Variants in CCDC13 observed in about 807,000 individuals in gnomAD.
The protein encoded by CCDC13 is coiled-coil domain-containing protein 13.
CCDC13 carries 70 observed loss-of-function variants against 87.3 expected under a neutral mutation model. The observed-to-expected ratio is 0.80, with a 90% confidence interval of 0.66 to 0.98. The LOEUF is 0.98. Ranked by LOEUF, CCDC13 falls within the 50% of genes least tolerant of loss-of-function variation. The pLI is 0.00. For synonymous variants in CCDC13, 317 were observed against 360.3 expected (o/e 0.88, Z 1.36); for missense variants, 842 against 892.0 (o/e 0.94, Z 0.71).
chr3:42,734,020 G>A (rs1698917448), intron 10 of CCDC13, among the ~76,000 whole-genome samples: 1 of 152,186 alleles, frequency 6.6e-6, no homozygotes, highest in South Asian at 2.1e-4. Flanking sequence ...GGACCTTCCA[G>A]ACACCTGCAG....
intron 13 of CCDC13, chr3:42,713,993 T>G (rs1285331508): frequency 1.3e-5 from 2 of 152,170 alleles, no homozygotes; most frequent in African/African-American, 4.8e-5. Context: ...GTTGACAGAA[T>G]CCAGTTCCAG....
chr3:42,714,451 T>A (rs1324081975), intron 13 of CCDC13, among the ~76,000 whole-genome samples: 1 of 152,234 alleles, frequency 6.6e-6, no homozygotes, highest in Non-Finnish European at 1.5e-5. Context: ...GTGATTATCT[T>A]AAGCTTATTG....
At chr3:42,742,561 C>G (rs1699254035) in intron 8 of CCDC13, among the ~76,000 whole-genome samples, 1 of 152,160 alleles carries the variant, frequency 6.6e-6, no homozygotes, top group South Asian at 2.1e-4. Flanking sequence ...GGAACTTTCC[C>G]CCTTTAAGCC....
rs17074778 is a variant in CCDC13 at position 42,732,983 on chromosome 3, G to A, written c.1512-13C>T. On this transcript the variant is annotated splice_polypyrimidine_tract_variant and intron_variant, in intron 11 of 15. Transcript: ENST00000310232. ...GCTGGTCACAGAGCTGTGTAAAGGC[G>A]GAAGGGGCCCATCAGCCTGGGAAGG... 435,151 of 1,549,802 alleles carry A rather than the reference G, an allele frequency of 0.28. 61,985 individuals are homozygous for A. The highest frequency in any genetic ancestry group is 0.37 in the East Asian group (15,296 of 40,892).
Position 42,758,468 on chromosome 3 carries a change from T to A in CCDC13, c.-6-117A>T, listed in dbSNP as rs556060350. The A allele has an allele frequency of 1.6e-5, 15 of 944,728 alleles. No individual in the cohort carries two copies. The African/African-American group carries it at 2.5e-4, about 16-fold the overall frequency. 58.5% of individuals were successfully genotyped at this position (944,728 alleles called of 1,614,324 possible). Reference sequence around the variant, plus strand: ...TTTACTGCTTCGCGTTGCATGTATGTCCACGCAGAAGCTTGGAAGCTCCAC... The same window carrying A: ...TTTACTGCTTCGCGTTGCATGTATGACCACGCAGAAGCTTGGAAGCTCCAC... On this transcript the variant is annotated intron_variant, in intron 1 of 15. Transcript: ENST00000310232.
intron 5 of CCDC13, 152 bp downstream of exon 5, chr3:42,751,784 G>T: frequency 1.5e-6 from 1 of 649,234 alleles, no homozygotes; most frequent in South Asian, 1.8e-5. Flanking sequence ...CTCTGAGGAT[G>T]CAGCAATGGT....
chr3:42,739,512 G>C (rs940527481), intron 9 of CCDC13, 122 bp downstream of exon 9: 15 of 1,112,782 alleles, frequency 1.3e-5, no homozygotes, highest in Non-Finnish European at 1.8e-5. Flanking sequence ...TGGAGGCAAC[G>C]GGCTTTGGGG....
At chr3:42,772,929 C>A (rs1700168593) in intron 1 of CCDC13, among the ~76,000 whole-genome samples, 1 of 152,222 alleles carries the variant, frequency 6.6e-6, no homozygotes, top group Non-Finnish European at 1.5e-5. Context: ...GGCGACCCAC[C>A]CTCTGCGCCT....
chr3:42,744,469 G>T lies in CCDC13; in HGVS notation c.826-1412C>A, dbSNP rs144498760. ...CAGTGCCCTCGTGTGGCGCTGTGAG[G>T]CAATTCCATTTAATCATTAAAGAAT... On this transcript the variant is annotated intron_variant, in intron 7 of 15. Transcript: ENST00000310232. Among the ~76,000 whole-genome samples the T allele has an allele frequency of 1.8e-4, 28 of 152,244 alleles. No homozygotes were observed. The East Asian group carries it at 2.7e-3, about 15-fold the overall frequency.
chr3:42,709,456 T>A (rs1017021358), intron 15 of CCDC13, among the ~76,000 whole-genome samples: 1 of 152,228 alleles, frequency 6.6e-6, no homozygotes, highest in Non-Finnish European at 1.5e-5. Context: ...CAGTGATCCA[T>A]GCTTGATAAA....
chr3:42,716,330 CCA>C (rs1698429971), intron 13 of CCDC13, among the ~76,000 whole-genome samples: 1 of 151,852 alleles, frequency 6.6e-6, no homozygotes, highest in African/African-American at 2.4e-5. Context: ...TCTGACAATT[CCA>C]CAATATAGAA....
intron 6 of CCDC13, chr3:42,746,669 ACT>A (rs1218009038): frequency 1.7e-5 from 3 of 172,400 alleles, no homozygotes; most frequent in Admixed American, 1.6e-4. Context: ...ACAATAGAAC[ACT>A]GTTTTGGAAA....
intron 6 of CCDC13, 69 bp downstream of exon 6, chr3:42,747,188 T>G (rs764802022): frequency 5.2e-6 from 6 of 1,147,048 alleles, no homozygotes; most frequent in African/African-American, 1.5e-5. Flanking sequence ...GAATCCACTG[T>G]GCCAGCCGTG....
chr3:42,715,627 A>G (rs1479311020), intron 13 of CCDC13, among the ~76,000 whole-genome samples: 3 of 152,182 alleles, frequency 2.0e-5, no homozygotes, highest in Non-Finnish European at 4.4e-5. Flanking sequence ...AAAGAAAAAA[A>G]AATAAAGTTT....
At chr3:42,765,129 C>T (rs1157344946) in intron 1 of CCDC13, among the ~76,000 whole-genome samples, 8 of 152,202 alleles carry the variant, frequency 5.3e-5, no homozygotes, top group Non-Finnish European at 1.5e-5. Flanking sequence ...TCTTTGCTTT[C>T]GTTTCCCATT....
chr3:42,732,202 T>TG (rs1353571443), intron 12 of CCDC13, among the ~76,000 whole-genome samples: 3 of 152,190 alleles, frequency 2.0e-5, no homozygotes, highest in Non-Finnish European at 4.4e-5. Context: ...ACAGACCCTA[T>TG]GCTGCCAAGT....
chr3:42,750,786 C>T (rs1178413370), intron 5 of CCDC13, among the ~76,000 whole-genome samples: 5 of 152,198 alleles, frequency 3.3e-5, no homozygotes, highest in Non-Finnish European at 5.9e-5. Flanking sequence ...ATTTTTGATT[C>T]TCTGTGCCAC....
At chr3:42,734,165 G>A (rs972766505) in intron 10 of CCDC13, among the ~76,000 whole-genome samples, 2 of 152,114 alleles carry the variant, frequency 1.3e-5, no homozygotes, top group Non-Finnish European at 2.9e-5. Flanking sequence ...GAACATTAGA[G>A]GACCCCCAGC....
chr3:42,716,823 C>T (rs1030020545), intron 13 of CCDC13, among the ~76,000 whole-genome samples: 4 of 152,190 alleles, frequency 2.6e-5, no homozygotes, highest in African/African-American at 9.7e-5. Context: ...TCAAACAATT[C>T]CACTTCTCAA....
Sources: allele counts gnomAD v4.1 joint callset (sites outside exome capture counted in the v4.1 genomes callset), GRCh38; gene constraint gnomAD v4.1.1; transcripts MANE v1.5; gene names NCBI Gene and HGNC (gene_info 2026-07-23, HGNC 2026-07-21).